The following SLC8A1 variants were observed in gnomAD, a reference collection of about 807,000 sequenced individuals.
SLC8A1 encodes sodium/calcium exchanger 1.
SLC8A1 carries 18 observed loss-of-function variants against 68.3 expected under a neutral mutation model. The observed-to-expected ratio is 0.26, with a 90% CI of 0.18 to 0.39. SLC8A1 has a LOEUF of 0.39. Ranked by LOEUF, SLC8A1 falls within the 10% of genes least tolerant of loss-of-function variation. The pLI is 1.00. For synonymous variants in SLC8A1, 475 were observed against 415.5 expected (o/e 1.14, Z -1.74); for missense variants, 985 against 1,156.7 (o/e 0.85, Z 2.15).
chr2:40,468,629 C>CT (rs1484953550), intron 1 of SLC8A1, among the ~76,000 whole-genome samples: 1 of 151,854 alleles, frequency 6.6e-6, no homozygotes, highest in African/African-American at 2.4e-5. Flanking sequence ...TTTTTTCCTC[C>CT]TTTTTTATCA....
chr2:40,172,046 A>C (rs541300649), intron 4 of SLC8A1, among the ~76,000 whole-genome samples: 1 of 152,214 alleles, frequency 6.6e-6, no homozygotes, highest in South Asian at 2.1e-4. Context: ...AGTCCATGTA[A>C]AAGCTGCAGG....
At chr2:40,277,798 A>ATATATATATATATATATATATGTGTG (rs1314214737) in intron 2 of SLC8A1, among the ~76,000 whole-genome samples, 149 of 38,192 alleles carry the variant, frequency 3.9e-3, no homozygotes, top group African/African-American at 0.024. Flanking sequence ...ATGTGTGTAT[A>ATATATATATATATATATATATGTGTG]TATATATATA....
At chr2:40,237,320 C>T (rs528585716) in intron 2 of SLC8A1, among the ~76,000 whole-genome samples, 2,547 of 152,096 alleles carry the variant, frequency 0.017, 66 homozygotes, top group African/African-American at 0.058. Context: ...ATTCTTTTTT[C>T]TCTAAACTTC....
intron 1 of SLC8A1, among the ~76,000 whole-genome samples, chr2:40,451,248 G>T (rs1702426348): frequency 6.6e-6 from 1 of 152,262 alleles, no homozygotes; most frequent in East Asian, 1.9e-4. Context: ...AGATGCCTGT[G>T]TGTGCAGAAT....
chr2:40,287,588 G>GTGTGTGTGTGTGTGTC (rs2068535516), intron 2 of SLC8A1, among the ~76,000 whole-genome samples: 2 of 120,450 alleles, frequency 1.7e-5, no homozygotes, highest in Non-Finnish European at 3.3e-5. Flanking sequence ...AATGATGTGT[G>GTGTGTGTGTGTGTGTC]TGTGTGTGTG....
chr2:40,509,819 T>G (rs75837997), intron 1 of SLC8A1, among the ~76,000 whole-genome samples: 1 of 120,564 alleles, frequency 8.3e-6, no homozygotes, highest in African/African-American at 3.4e-5. Context: ...GCCTTTTTTT[T>G]GTTTTTTTTC....
At chr2:40,287,590 G>GTGTGTGTGTT (rs1324597339) in intron 2 of SLC8A1, among the ~76,000 whole-genome samples, 15 of 139,338 alleles carry the variant, frequency 1.1e-4, no homozygotes, top group African/African-American at 4.8e-4. Flanking sequence ...TGATGTGTGT[G>GTGTGTGTGTT]TGTGTGTGTG....
In SLC8A1 at chr2:40,127,789, A is replaced by T. The variant is rs920914373; in HGVS notation, c.2437+11612T>A. ...GTGGGGAGCAATCGAGGGAGAGAAA[A>T]CAAATACAACACATAATTTCTTGAA... On this transcript the variant is annotated intron_variant, in intron 7 of 7. Transcript: ENST00000406785. Among the ~76,000 whole-genome samples the T allele has an allele frequency of 2.0e-5, 3 of 152,236 alleles. No individual in the cohort carries two copies. In the East Asian group the frequency reaches 5.8e-4, roughly 29 times the overall value.
chr2:40,254,292 T>C (rs1475231852), intron 2 of SLC8A1: 1 of 150,858 alleles, frequency 6.6e-6, no homozygotes, highest in East Asian at 1.9e-4. Context: ...TCAAAATGAA[T>C]GCCACACCTT....
intron 6 of SLC8A1, among the ~76,000 whole-genome samples, chr2:40,146,857 T>C (rs1440380148): frequency 6.6e-6 from 1 of 152,196 alleles, no homozygotes; most frequent in East Asian, 1.9e-4. Flanking sequence ...CTGTGGGCCA[T>C]ACTGTCCCAC....
At chr2:40,235,627 C>T (rs2060262618) in intron 2 of SLC8A1, among the ~76,000 whole-genome samples, 1 of 151,860 alleles carries the variant, frequency 6.6e-6, no homozygotes, top group Admixed American at 6.6e-5. Context: ...TTAGTTATTT[C>T]TTGCCTTCTG....
intron 2 of SLC8A1, among the ~76,000 whole-genome samples, chr2:40,348,783 C>T (rs189334846): frequency 9.2e-5 from 14 of 152,140 alleles, no homozygotes; most frequent in Admixed American, 2.6e-4. Flanking sequence ...CAGAGGGAAG[C>T]GGTATTCAGT....
intron 2 of SLC8A1, among the ~76,000 whole-genome samples, chr2:40,296,255 A>G (rs2070356980): frequency 6.6e-6 from 1 of 152,162 alleles, no homozygotes; most frequent in South Asian, 2.1e-4. Context: ...CTTTTTCCTT[A>G]ACTAGGAGAC....
intron 2 of SLC8A1, among the ~76,000 whole-genome samples, chr2:40,188,366 A>ATC (rs1353294333): frequency 6.6e-6 from 1 of 152,236 alleles, no homozygotes; most frequent in Non-Finnish European, 1.5e-5. Flanking sequence ...AATGAAACAC[A>ATC]TCAACATCTT....
intron 2 of SLC8A1, chr2:40,223,678 C>T (rs1249082029): frequency 2.0e-5 from 3 of 152,014 alleles, no homozygotes; most frequent in Non-Finnish European, 2.9e-5. Context: ...CAACTAGGCT[C>T]TCATGCTCTG....
chr2:40,278,872 A>T (rs1004020529), intron 2 of SLC8A1, among the ~76,000 whole-genome samples: 1 of 152,166 alleles, frequency 6.6e-6, no homozygotes, highest in Non-Finnish European at 1.5e-5. Context: ...GGTTTTTTTT[A>T]AATTATTATT....
At chr2:40,443,462 G>T (rs1700882717) in intron 1 of SLC8A1, among the ~76,000 whole-genome samples, 1 of 152,140 alleles carries the variant, frequency 6.6e-6, no homozygotes, top group South Asian at 2.1e-4. Context: ...AAGGTCTTAG[G>T]TGGACACTTT....
intron 1 of SLC8A1, among the ~76,000 whole-genome samples, chr2:40,490,663 A>G (rs1230331717): frequency 1.3e-5 from 2 of 152,088 alleles, no homozygotes; most frequent in African/African-American, 4.8e-5. Flanking sequence ...TGGATTCACA[A>G]CTATCTATTT....
At chr2:40,447,604 AAAAAG>A (rs953530484) in intron 1 of SLC8A1, among the ~76,000 whole-genome samples, 4 of 151,796 alleles carry the variant, frequency 2.6e-5, no homozygotes, top group African/African-American at 7.3e-5. Context: ...AAAAAAAAAA[AAAAAG>A]AAAGAACATA....
Sources: allele counts gnomAD v4.1 joint callset (sites outside exome capture counted in the v4.1 genomes callset), GRCh38; gene constraint gnomAD v4.1.1; transcripts MANE v1.5; gene names NCBI Gene and HGNC (gene_info 2026-07-23, HGNC 2026-07-21).